CDH13: variants seen among roughly 807,000 people sequenced by gnomAD.
The protein encoded by CDH13 is cadherin 13, also known as cadherin-13.
In CDH13, 24 loss-of-function variants were observed where a neutral mutation model predicts 63.8. The ratio of observed to expected loss-of-function variants is 0.38; its 90% CI spans 0.27 to 0.53. The LOEUF (loss-of-function observed/expected upper bound fraction) is 0.53, where lower values mean the gene tolerates loss of function less well. Ranked by LOEUF, CDH13 falls within the 20% of genes least tolerant of loss-of-function variation. The pLI is 0.85. For missense variants in CDH13, 1,049 were observed against 903.1 expected (o/e 1.16, Z -2.07); for synonymous variants, 503 against 355.3 (o/e 1.42, Z -4.67).
intron 1 of CDH13, among the ~76,000 whole-genome samples, chr16:82,660,570 G>A (rs1324947196): frequency 2.0e-5 from 3 of 152,038 alleles, no homozygotes; most frequent in Non-Finnish European, 4.4e-5. Flanking sequence ...GGCCAGAGAT[G>A]AAGTGAAAGA....
At chr16:83,767,954 A>AAATT (rs1250563830) in intron 11 of CDH13, among the ~76,000 whole-genome samples, 1 of 152,194 alleles carries the variant, frequency 6.6e-6, no homozygotes, top group African/African-American at 2.4e-5. Context: ...AATGTACTAA[A>AAATT]AATTAATAGT....
At chr16:83,483,959 T>C in intron 6 of CDH13, among the ~76,000 whole-genome samples, 1 of 152,200 alleles carries the variant, frequency 6.6e-6, no homozygotes, top group Non-Finnish European at 1.5e-5. Flanking sequence ...GGGCCAAGAA[T>C]GTTCTTTTCT....
chr16:82,638,697 G>C (rs1450644806), intron 1 of CDH13, among the ~76,000 whole-genome samples: 1 of 152,044 alleles, frequency 6.6e-6, no homozygotes, highest in African/African-American at 2.4e-5. Flanking sequence ...TCCCATATTA[G>C]TAGGTCCCCC....
At chr16:82,988,437 G>T (rs1036755917) in intron 2 of CDH13, among the ~76,000 whole-genome samples, 2 of 152,138 alleles carry the variant, frequency 1.3e-5, no homozygotes, top group East Asian at 3.9e-4. Flanking sequence ...GAAGAACGTG[G>T]AAGCTTCTAG....
At chr16:82,864,700 G>A (rs556481007) in intron 2 of CDH13, among the ~76,000 whole-genome samples, 5 of 152,276 alleles carry the variant, frequency 3.3e-5, no homozygotes, top group African/African-American at 1.2e-4. Context: ...GTGACACAGA[G>A]CCAGACCATG....
chr16:82,690,512 C>T (rs1915542240), intron 1 of CDH13, among the ~76,000 whole-genome samples: 1 of 152,068 alleles, frequency 6.6e-6, no homozygotes, highest in Non-Finnish European at 1.5e-5. Context: ...TGTAGATTAG[C>T]CTAAGCTATT....
intron 2 of CDH13, among the ~76,000 whole-genome samples, chr16:82,951,513 C>G (rs1032046351): frequency 6.6e-6 from 1 of 152,194 alleles, no homozygotes; most frequent in Non-Finnish European, 1.5e-5. Context: ...CTGGCTTCAT[C>G]TAAAAGAACC....
intron 11 of CDH13, among the ~76,000 whole-genome samples, chr16:83,769,692 C>T (rs893178199): frequency 6.6e-6 from 1 of 152,174 alleles, no homozygotes; most frequent in African/African-American, 2.4e-5. Context: ...TTCACCATGT[C>T]CTCCTGAGGC....
At chr16:83,780,741 T>C (rs1915459332) in intron 12 of CDH13, among the ~76,000 whole-genome samples, 1 of 152,224 alleles carries the variant, frequency 6.6e-6, no homozygotes, top group Non-Finnish European at 1.5e-5. Flanking sequence ...GATTCTTTGT[T>C]TGTAACTAGC....
chr16:83,791,969 G>T (rs1244695996), intron 13 of CDH13, among the ~76,000 whole-genome samples: 1 of 152,132 alleles, frequency 6.6e-6, no homozygotes, highest in African/African-American at 2.4e-5. Context: ...TTTATACCAC[G>T]CCCTAGTCAA....
At chr16:83,736,940 G>T (rs1911593364) in intron 10 of CDH13, among the ~76,000 whole-genome samples, 1 of 152,250 alleles carries the variant, frequency 6.6e-6, no homozygotes, top group African/African-American at 2.4e-5. Flanking sequence ...GATGTGTGCA[G>T]TCCCTGGCAA....
At chr16:82,716,347 G>T (rs1567459931) in intron 1 of CDH13, among the ~76,000 whole-genome samples, 1 of 151,834 alleles carries the variant, frequency 6.6e-6, no homozygotes, top group African/African-American at 2.4e-5. Context: ...CACCTTTGCA[G>T]AGAGAGAGAG....
chr16:82,987,470 A>G (rs1911088329), intron 2 of CDH13, among the ~76,000 whole-genome samples: 1 of 152,072 alleles, frequency 6.6e-6, no homozygotes, highest in Non-Finnish European at 1.5e-5. Context: ...TCCTCCTTCT[A>G]GGTTCAAGCA....
At chr16:82,915,764 G>T (rs973261211) in intron 2 of CDH13, among the ~76,000 whole-genome samples, 2 of 151,200 alleles carry the variant, frequency 1.3e-5, no homozygotes, top group South Asian at 2.1e-4. Context: ...TCTTCCCTTG[G>T]ATTTGCTCAT....
intron 1 of CDH13, among the ~76,000 whole-genome samples, chr16:82,641,289 AC>A (rs1233735376): frequency 2.6e-5 from 4 of 152,098 alleles, no homozygotes; most frequent in African/African-American, 9.7e-5. Context: ...AGCAGTCATG[AC>A]TTTGGAAGCA....
At chr16:82,781,581 C>A (rs558568593) in intron 1 of CDH13, among the ~76,000 whole-genome samples, 1 of 152,092 alleles carries the variant, frequency 6.6e-6, no homozygotes, top group Non-Finnish European at 1.5e-5. Flanking sequence ...CCCACCTACC[C>A]ACTTATTCAC....
At chr16:83,374,568 A>C (rs150975347) in intron 6 of CDH13, among the ~76,000 whole-genome samples, 3 of 152,346 alleles carry the variant, frequency 2.0e-5, no homozygotes, top group Non-Finnish European at 4.4e-5. Flanking sequence ...TCAAAGCGTA[A>C]AGAACATCTG....
chr16:83,273,375 C>T (rs1412159249), intron 5 of CDH13, among the ~76,000 whole-genome samples: 7 of 152,006 alleles, frequency 4.6e-5, no homozygotes, highest in African/African-American at 1.4e-4. Flanking sequence ...CTTTTGTTCC[C>T]GTCTTAGTGT....
chr16:82,958,887 C>G (rs928869869), intron 2 of CDH13, among the ~76,000 whole-genome samples: 3 of 152,258 alleles, frequency 2.0e-5, no homozygotes, highest in African/African-American at 7.2e-5. Context: ...AACCTTCCAC[C>G]TGGGAAGATG....
Sources: allele counts gnomAD v4.1 joint callset (sites outside exome capture counted in the v4.1 genomes callset), GRCh38; gene constraint gnomAD v4.1.1; transcripts MANE v1.5; gene names NCBI Gene and HGNC (gene_info 2026-07-23, HGNC 2026-07-21).